PARVA: variants seen among roughly 807,000 people sequenced by gnomAD.
The protein encoded by PARVA is parvin alpha, also known as alpha-parvin.
Under a neutral mutation model 52.6 loss-of-function variants are expected in PARVA, and 25 were observed. That is an observed-to-expected ratio of 0.48 (90% CI 0.35 to 0.66). The LOEUF (loss-of-function observed/expected upper bound fraction) is 0.66. PARVA is among the 30% of genes least tolerant of loss of function. The pLI is 0.01. For synonymous variants in PARVA, 185 were observed against 179.1 expected, an observed-to-expected ratio of 1.03 and a Z score of -0.26; for missense variants, 373 against 450.9, an observed-to-expected ratio of 0.83 and a Z score of 1.56.
chr11:12,426,711 A>G (rs1239230605), intron 1 of PARVA, among the ~76,000 whole-genome samples: 1 of 152,186 alleles, frequency 6.6e-6, no homozygotes, highest in Non-Finnish European at 1.5e-5. Context: ...GGGCCAGGGT[A>G]TCACCAGGTT....
At chr11:12,428,882 CAGA>C (rs1187406756) in intron 1 of PARVA, among the ~76,000 whole-genome samples, 3 of 152,260 alleles carry the variant, frequency 2.0e-5, no homozygotes, top group Admixed American at 1.3e-4. Flanking sequence ...TGAATAAAAA[CAGA>C]AGGAGCTTCA....
intron 1 of PARVA, among the ~76,000 whole-genome samples, chr11:12,395,122 C>T (rs1223220978): frequency 6.8e-6 from 1 of 146,858 alleles, no homozygotes; most frequent in Non-Finnish European, 1.5e-5. Context: ...AGAAGAGGCC[C>T]TATGGAAGTT....
chr11:12,416,990 C>T (rs761868441), intron 1 of PARVA, among the ~76,000 whole-genome samples: 6 of 151,992 alleles, frequency 3.9e-5, no homozygotes, highest in Non-Finnish European at 8.8e-5. Context: ...TTTTAAATGC[C>T]CCTGAGTCAC....
intron 6 of PARVA, among the ~76,000 whole-genome samples, chr11:12,506,796 G>A (rs1306950098): frequency 1.3e-5 from 2 of 152,228 alleles, no homozygotes; most frequent in African/African-American, 4.8e-5. Flanking sequence ...TGAACCACAG[G>A]GAGAACTCTT....
intron 4 of PARVA, among the ~76,000 whole-genome samples, chr11:12,484,808 C>CTTTT (rs1177057401): frequency 1.9e-5 from 2 of 102,638 alleles, no homozygotes; most frequent in African/African-American, 3.4e-5. Context: ...TTTTTGTTGA[C>CTTTT]TTTTTTTTTT....
At chr11:12,520,119 A>G (rs1941619252) in intron 12 of PARVA, among the ~76,000 whole-genome samples, 1 of 152,208 alleles carries the variant, frequency 6.6e-6, no homozygotes. Context: ...AAATCAATCT[A>G]TGGGAATATT....
At chr11:12,442,175 A>G (rs956675754) in intron 1 of PARVA, among the ~76,000 whole-genome samples, 4 of 152,226 alleles carry the variant, frequency 2.6e-5, no homozygotes. Context: ...GGCAGCAACT[A>G]TGACTGAGGA....
intron 6 of PARVA, among the ~76,000 whole-genome samples, chr11:12,504,774 G>GGGGTGTGTGTGTGT (rs1554901960): frequency 6.0e-5 from 9 of 149,344 alleles, no homozygotes; most frequent in African/African-American, 2.2e-4. Flanking sequence ...AAGGTATGTG[G>GGGGTGTGTGTGTGT]GTGTGTGTGT....
chr11:12,380,003 T>C (rs1452986395), intron 1 of PARVA, among the ~76,000 whole-genome samples: 1 of 152,186 alleles, frequency 6.6e-6, no homozygotes, highest in African/African-American at 2.4e-5. Flanking sequence ...TCTGTACCTA[T>C]CACTGTTGGT....
At chr11:12,386,373 T>C (rs1016505175) in intron 1 of PARVA, among the ~76,000 whole-genome samples, 27 of 152,214 alleles carry the variant, frequency 1.8e-4, no homozygotes, top group African/African-American at 4.8e-4. Context: ...AAATACCTTT[T>C]CCGTTTCCTA....
Position 12,528,227 on chromosome 11 carries a change from G to A in PARVA, c.*302G>A, listed in dbSNP as rs1242958506. ...TTTGGGAACCAGCTTAGGCAAAAGA[G>A]TCCCCACAAGATGAAAATAAAGATC... On this transcript the variant is annotated 3_prime_UTR_variant, in exon 13 of 13. Transcript: ENST00000334956. 2.3e-6 allele frequency: 1 copy of A among 436,976 alleles called. No homozygotes were observed. The allele number at this position is 436,976 out of a possible 1,614,324, so 27.1% of individuals were successfully genotyped here.
At chr11:12,481,968 G>C (rs558635177) in intron 4 of PARVA, among the ~76,000 whole-genome samples, 1 of 151,764 alleles carries the variant, frequency 6.6e-6, no homozygotes, top group African/African-American at 2.4e-5. Context: ...TCAGGAGTTC[G>C]AGACCAGCCT....
intron 1 of PARVA, among the ~76,000 whole-genome samples, chr11:12,447,591 C>T (rs1436293681): frequency 1.3e-5 from 2 of 152,148 alleles, no homozygotes; most frequent in Admixed American, 1.3e-4. Context: ...TACTCAGCTC[C>T]CTTGAGAGAG....
intron 5 of PARVA, among the ~76,000 whole-genome samples, chr11:12,504,110 T>C (rs1311305584): frequency 6.6e-6 from 1 of 152,010 alleles, no homozygotes; most frequent in Non-Finnish European, 1.5e-5. Context: ...CACTAAGCCA[T>C]TCATGAGGGA....
At chr11:12,383,232 G>A (rs1002100055) in intron 1 of PARVA, among the ~76,000 whole-genome samples, 1 of 152,114 alleles carries the variant, frequency 6.6e-6, no homozygotes, top group Non-Finnish European at 1.5e-5. Flanking sequence ...TGGCCCTCCT[G>A]TGTGGATTCT....
intron 5 of PARVA, among the ~76,000 whole-genome samples, chr11:12,500,199 C>G (rs1469027529): frequency 6.6e-6 from 1 of 152,182 alleles, no homozygotes; most frequent in Non-Finnish European, 1.5e-5. Context: ...AAGACTATTT[C>G]TAACTCAGCA....
At position 12,446,040 on chromosome 11, in the gene PARVA, TA is replaced by T. The variant is rs59092542; in HGVS notation, c.137-27696del. 3.0e-3 allele frequency among the ~76,000 whole-genome samples: 452 copies of T among 151,360 alleles called. 1 individual carries two copies. Among genetic ancestry groups the T allele is most frequent in the African/African-American group, 0.01 (432 of 41,272 alleles). ...ACAAGTTTGACGGGTTCATTTACTT[TA>T]AAAAAAAATACACACCTTTTTTTGT... On this transcript the variant is annotated intron_variant, in intron 1 of 12. Coordinates refer to ENST00000334956, the MANE Select transcript of PARVA (RefSeq NM_018222.5).
intron 1 of PARVA, among the ~76,000 whole-genome samples, chr11:12,461,658 G>A (rs533786085): frequency 1.6e-4 from 25 of 152,230 alleles, no homozygotes; most frequent in Admixed American, 1.2e-3. Context: ...CCATGCCTAC[G>A]AGCAATTGGA....
intron 1 of PARVA, among the ~76,000 whole-genome samples, chr11:12,426,497 A>G (rs1360439490): frequency 1.3e-5 from 2 of 152,112 alleles, no homozygotes; most frequent in Non-Finnish European, 2.9e-5. Flanking sequence ...AGTTTGATAT[A>G]TATTTTCAGA....
Sources: allele counts gnomAD v4.1 joint callset (sites outside exome capture counted in the v4.1 genomes callset), GRCh38; gene constraint gnomAD v4.1.1; transcripts MANE v1.5; gene names NCBI Gene and HGNC (gene_info 2026-07-23, HGNC 2026-07-21).